ZFAND4: variants seen among roughly 807,000 people sequenced by gnomAD.
ZFAND4 encodes AN1-type zinc finger protein 4.
Under a neutral mutation model 64.4 loss-of-function variants are expected in ZFAND4, and 43 were observed. That is an observed-to-expected ratio of 0.67 (90% CI 0.52 to 0.86). ZFAND4 has a LOEUF of 0.86. Among genes scored for constraint, ZFAND4 ranks in the 40% least tolerant of loss-of-function variants. The pLI, the probability that ZFAND4 is intolerant of heterozygous loss-of-function variation, is 0.00. For synonymous variants in ZFAND4, 296 were observed against 305.7 expected (o/e 0.97, Z 0.33); for missense variants, 929 against 859.8 (o/e 1.08, Z -1.01).
At chr10:45,617,240 T>G (rs932436126) in intron 9 of ZFAND4, among the ~76,000 whole-genome samples, 1 of 152,200 alleles carries the variant, frequency 6.6e-6, no homozygotes, top group South Asian at 2.1e-4. Flanking sequence ...AAAATTAAAA[T>G]AGTAAAACCT....
chr10:45,669,823 T>C (rs1389252233), intron 1 of ZFAND4, among the ~76,000 whole-genome samples: 1 of 152,106 alleles, frequency 6.6e-6, no homozygotes, highest in Non-Finnish European at 1.5e-5. Flanking sequence ...TTTGACAAAA[T>C]CCAACAGCTC....
intron 4 of ZFAND4, among the ~76,000 whole-genome samples, 163 bp downstream of exon 4, chr10:45,651,803 T>A (rs1232045781): frequency 6.6e-6 from 1 of 152,214 alleles, no homozygotes; most frequent in Non-Finnish European, 1.5e-5. Context: ...AGTTCCAGCC[T>A]CTAGGCATTT....
intron 4 of ZFAND4, chr10:45,649,008 C>T (rs892470875): frequency 2.0e-5 from 19 of 970,062 alleles, no homozygotes; most frequent in Admixed American, 1.8e-4. Flanking sequence ...GTGGCTCATG[C>T]CTGTAATCCC....
At chr10:45,652,507 G>A (rs2047825226) in intron 3 of ZFAND4, among the ~76,000 whole-genome samples, 1 of 152,150 alleles carries the variant, frequency 6.6e-6, no homozygotes, top group Non-Finnish European at 1.5e-5. Context: ...AAAGAGGGGA[G>A]AAATAAGAGA....
At position 45,626,424 on chromosome 10, in the gene ZFAND4, G is replaced by A; in HGVS notation, c.1399C>T (p.His467Tyr). 1 of 1,613,924 alleles carries A rather than the reference G, an allele frequency of 6.2e-7. No individual in the cohort carries two copies. Reference protein sequence around the residue: ...SVLNYRELSPHKNRLLSPLRC... With the variant: ...SVLNYRELSPYKNRLLSPLRC... ...AGAGGTGACAAGAGTCTATTCTTGT[G>A]AGGACTTAATTCCCGGTAGTTAAGA... Residue 467 changes from histidine to tyrosine, a missense_variant, in exon 7 of 10, where the codon CAC becomes TAC. Transcript: ENST00000344646.
At position 45,662,504 on chromosome 10, in the gene ZFAND4, A is replaced by G. The variant is rs1002763131; in HGVS notation, c.184+1038T>C. 12 of 698,810 alleles carry G rather than the reference A, an allele frequency of 1.7e-5. No individual in the cohort carries two copies. The African/African-American group carries it at 2.3e-4, about 14-fold the overall frequency. The allele number at this position is 698,810 out of a possible 1,614,324, so 43.3% of individuals were successfully genotyped here. ...AGATTTCACCTTCATGCTCCAAAAA[A>G]GGTATCCTTTAAACTATGATATAAA... On this transcript the variant is annotated intron_variant, in intron 2 of 9. Transcript: ENST00000344646.
chr10:45,644,732 T>C (rs2047255070), intron 5 of ZFAND4, among the ~76,000 whole-genome samples: 1 of 152,180 alleles, frequency 6.6e-6, no homozygotes, highest in African/African-American at 2.4e-5. Context: ...AGCTGACATA[T>C]ATTACCCATA....
At position 45,621,254 on chromosome 10, in the gene ZFAND4, C is replaced by T. The variant is rs1412860726; in HGVS notation, c.1928-2994G>A. Among the ~76,000 whole-genome samples, 4 of 151,932 alleles carry T rather than the reference C, an allele frequency of 2.6e-5. No homozygotes were observed. The East Asian group carries it at 7.7e-4, about 29-fold the overall frequency. On this transcript the variant is annotated intron_variant, in intron 8 of 9. Transcript: ENST00000344646. ...TAGGAAGTCAATTAAATGAAACTTG[C>T]ATCAAAATGTATATAGACTCTTCTA...
At chr10:45,642,657 A>C (rs542645304) in intron 5 of ZFAND4, among the ~76,000 whole-genome samples, 33 of 150,920 alleles carry the variant, frequency 2.2e-4, no homozygotes, top group Non-Finnish European at 4.0e-4. Flanking sequence ...GACTCATTTT[A>C]GAGTATAAAA....
intron 5 of ZFAND4, 108 bp downstream of exon 5, chr10:45,648,186 A>C (rs897369368): frequency 8.7e-7 from 1 of 1,143,204 alleles, no homozygotes; most frequent in Non-Finnish European, 1.2e-6. Context: ...ACGAAGGACA[A>C]TTTCAGACTT....
At chr10:45,625,473 CAA>C (rs1195950172) in intron 7 of ZFAND4, among the ~76,000 whole-genome samples, 43 of 53,046 alleles carry the variant, frequency 8.1e-4, no homozygotes, top group Non-Finnish European at 1.2e-3. Context: ...GACTCCGTCT[CAA>C]AAAAAAAAAA....
intron 6 of ZFAND4, among the ~76,000 whole-genome samples, chr10:45,631,813 T>C (rs1589286400): frequency 6.6e-6 from 1 of 152,178 alleles, no homozygotes; most frequent in African/African-American, 2.4e-5. Context: ...AATTATCACA[T>C]GTACCCTGAA....
rs573788353 is a variant in ZFAND4 at position 45,672,753 on chromosome 10, G to C, written c.-621C>G. The C allele has an allele frequency of 1.3e-5, 2 of 152,316 alleles. No homozygotes were observed. The highest frequency in any genetic ancestry group is 6.5e-5 in the Admixed American group (1 of 15,288). 9.4% of individuals were successfully genotyped at this position (152,316 alleles called of 1,614,324 possible). A position where few individuals can be genotyped will look rare whatever the true frequency, so the allele number is the denominator to read the frequency against. On this transcript the variant is annotated 5_prime_UTR_variant, in exon 1 of 10. Coordinates refer to ENST00000344646, the MANE Select transcript of ZFAND4 (RefSeq NM_174890.4). ...CCAACGACCCGGCGAGCAACTTCAC[G>C]GAAGGCACTGGCCGACAACGCTCCG...
At position 45,626,067 on chromosome 10, in the gene ZFAND4, G is replaced by A. The variant is rs35142284; in HGVS notation, c.1756C>T (p.Arg586Cys). The A allele has an allele frequency of 7.4e-6, 12 of 1,613,892 alleles. No homozygotes were observed. The highest frequency in any genetic ancestry group is 3.3e-5 in the Admixed American group (2 of 59,982). Residue 586 changes from arginine to cysteine, a missense_variant, in exon 7 of 10, where the codon CGT (arginine) becomes TGT (cysteine). Transcript: ENST00000344646. ...STSRNRLQST[R>C]GAGRLQNSGT... ...GAGTTCTGAAGCCTGCCTGCCCCAC[G>A]TGTGCTCTGTAATCTATTTCTGCTT...
At position 45,616,380 on chromosome 10, in the gene ZFAND4, T is replaced by C; in HGVS notation, c.*56A>G. The C allele has an allele frequency of 1.9e-6, 3 of 1,589,946 alleles. No individual in the cohort carries two copies. The highest frequency in any genetic ancestry group is 2.6e-6 in the Non-Finnish European group (3 of 1,169,378). On this transcript the variant is annotated 3_prime_UTR_variant, in exon 10 of 10. Coordinates refer to ENST00000344646, the MANE Select transcript of ZFAND4 (RefSeq NM_174890.4). ...ACAAAAATAATAGTCTAAACAACATTTCTTCTGTCATTATAATACGAATCC... is the reference window on the plus strand; with the variant it reads ...ACAAAAATAATAGTCTAAACAACATCTCTTCTGTCATTATAATACGAATCC...
intron 1 of ZFAND4, among the ~76,000 whole-genome samples, chr10:45,669,958 T>C (rs1002214398): frequency 1.3e-5 from 2 of 152,172 alleles, no homozygotes; most frequent in African/African-American, 4.8e-5. Flanking sequence ...GCATTCCCTT[T>C]GAAAACCGGC....
At chr10:45,659,869 T>C (rs1417553547) in intron 2 of ZFAND4, among the ~76,000 whole-genome samples, 2 of 152,010 alleles carry the variant, frequency 1.3e-5, no homozygotes, top group Non-Finnish European at 2.9e-5. Context: ...TGGAAAAGAA[T>C]TGGGAAGTTT....
intron 1 of ZFAND4, among the ~76,000 whole-genome samples, chr10:45,666,404 T>C (rs566220956): frequency 6.6e-6 from 1 of 152,344 alleles, no homozygotes; most frequent in Non-Finnish European, 1.5e-5. Flanking sequence ...TTGGATTTTT[T>C]ATTGAGTTGT....
intron 6 of ZFAND4, among the ~76,000 whole-genome samples, chr10:45,634,737 A>G (rs2046437937): frequency 6.6e-6 from 1 of 152,120 alleles, no homozygotes; most frequent in African/African-American, 2.4e-5. Context: ...TGCAGATAAT[A>G]TGATCTTGTA....
Sources: allele counts gnomAD v4.1 joint callset (sites outside exome capture counted in the v4.1 genomes callset), GRCh38; gene constraint gnomAD v4.1.1; transcripts MANE v1.5; gene names NCBI Gene and HGNC (gene_info 2026-07-23, HGNC 2026-07-21).